Variants in RUSC1 observed in about 807,000 individuals in gnomAD.
The protein encoded by RUSC1 is AP-4 complex accessory subunit RUSC1.
RUSC1 carries 40 observed loss-of-function variants against 72.1 expected under a neutral mutation model. The observed-to-expected ratio is 0.55, with a 90% CI of 0.43 to 0.72. The LOEUF is 0.72. Among genes scored for constraint, RUSC1 ranks in the 30% least tolerant of loss-of-function variants. The probability of loss-of-function intolerance (pLI) is 0.00; values close to 1 mark genes in which losing one functional copy is unlikely to be tolerated. For missense variants in RUSC1, 1,092 were observed against 1,172.3 expected (o/e 0.93, Z 1.00); for synonymous variants, 512 against 494.2 (o/e 1.04, Z -0.48).
Position 155,327,112 on chromosome 1 carries a change from G to T in RUSC1, c.2394G>T (p.Glu798Asp), listed in dbSNP as rs1356801013. Residue 798 changes from glutamate (E) to aspartate (D), a missense_variant, in exon 8 of 10, where the codon GAG becomes GAT. Physicochemically the swap from Glu to Asp is conservative, Grantham distance 45. Transcript: ENST00000368352. ...TGCCTGGGGGCCCCGCAGAAAATGA[G>T]AATGGAGCCCTAAAGTCCAGGTAAT... Reference protein sequence around the residue: ...FGVPGGPAENENGALKSRRPS... With the variant: ...FGVPGGPAENDNGALKSRRPS... 6.2e-7 allele frequency: 1 copy of T among 1,606,310 alleles called. No individual in the cohort carries two copies. Among genetic ancestry groups the T allele is most frequent in the South Asian group, 1.1e-5 (1 of 90,918 alleles).
At position 155,326,295 on chromosome 1, in the gene RUSC1, G is replaced by A. The variant is rs750749353; in HGVS notation, c.1862-285G>A. 3.1e-5 allele frequency: 17 copies of A among 547,168 alleles called. No individual in the cohort carries two copies. The highest frequency in any genetic ancestry group is 7.5e-5 in the African/African-American group (4 of 53,054). 33.9% of individuals were successfully genotyped at this position (547,168 alleles called of 1,614,324 possible). On this transcript the variant is annotated intron_variant, in intron 7 of 9. Coordinates refer to ENST00000368352, the MANE Select transcript of RUSC1 (RefSeq NM_001105203.2). This position sits in a 1 kb window ranked among gnomAD's most constrained non-coding sequence, Gnocchi z 4.7. ...ACCCTCGGACTAGGCCAACCCCCACGCCTCATTTTGTATGTGCTTCTATGG... is the reference window on the plus strand; with the variant it reads ...ACCCTCGGACTAGGCCAACCCCCACACCTCATTTTGTATGTGCTTCTATGG...
Position 155,325,233 on chromosome 1 carries a change from G to T in RUSC1, c.1533+55G>T, listed in dbSNP as rs779928951. On this transcript the variant is annotated intron_variant, in intron 4 of 9. Transcript: ENST00000368352. This position sits in a 1 kb window ranked among gnomAD's most constrained non-coding sequence, Gnocchi z 6.5. ...ATGAGGAGAGTAATGGAGCTCCGCG[G>T]GGGGTGCGGGAATGGTTGGCGGGAG... is the stretch of plus-strand genomic sequence containing the variant. 6.8e-6 allele frequency: 11 copies of T among 1,612,888 alleles called. No individual in the cohort carries two copies. The highest frequency in any genetic ancestry group is 8.5e-6 in the Non-Finnish European group (10 of 1,179,978).
intron 2 of RUSC1, chr1:155,324,294 C>A: frequency 6.4e-7 from 1 of 1,556,420 alleles, no homozygotes; most frequent in Non-Finnish European, 8.7e-7. Flanking sequence ...GAAGAGGGCA[C>A]CCTCCGCCAA....
chr1:155,321,087 G>A, intron 1 of RUSC1, 96 bp downstream of exon 1: 1 of 1,401,858 alleles, frequency 7.1e-7, no homozygotes, highest in Non-Finnish European at 9.6e-7. Context: ...GAGAAAGGGT[G>A]CGGTGGTGGC....
rs749044904 is a variant in RUSC1 at position 155,328,202 on chromosome 1, C to CG, written c.2473dup (p.Ala825GlyfsTer12). The CG allele has an allele frequency of 7.4e-6, 12 of 1,613,272 alleles. No individual in the cohort carries two copies. Among genetic ancestry groups the CG allele is most frequent in the African/African-American group, 1.3e-5 (1 of 74,890 alleles). On this transcript the variant is annotated frameshift_variant, in exon 9 of 10. Coordinates refer to ENST00000368352, the MANE Select transcript of RUSC1 (RefSeq NM_001105203.2). LOFTEE classifies it high-confidence loss of function. ...AGTGAGTGTGTTGGCTCTTGTGAAG[C>CG]GGGGGGCACCTCCCGAGATGCCTTC...
chr1:155,322,235 C>T lies in RUSC1; in HGVS notation c.462C>T (p.Thr154=), dbSNP rs749353563. 1 of 1,613,086 alleles carries T rather than the reference C, an allele frequency of 6.2e-7. No homozygotes were observed. Among genetic ancestry groups the T allele is most frequent in the East Asian group, 2.2e-5 (1 of 44,852 alleles). The change falls in exon 2 of 10, where the codon ACC becomes ACT. Residue 154 remains threonine, a synonymous_variant. Transcript: ENST00000368352. ...GSPLASAGPG[T]CSPDSFCCSP... ...CACTGGCTTCAGCAGGCCCTGGCAC[C>T]TGCTCACCGGACAGCTTCTGCTGCT...
At chr1:155,328,444 T>A (rs930096727) in intron 9 of RUSC1, among the ~76,000 whole-genome samples, 169 bp downstream of exon 9, 1 of 152,076 alleles carries the variant, frequency 6.6e-6, no homozygotes, top group Non-Finnish European at 1.5e-5. Context: ...TTGGATTTTT[T>A]TTTTTTTTTA....
At chr1:155,323,568 G>A (rs1357896503) in intron 2 of RUSC1, 1 of 153,866 alleles carries the variant, frequency 6.5e-6, no homozygotes, top group Non-Finnish European at 1.4e-5. Flanking sequence ...GCCCCCCAGA[G>A]GAGCAGCTGC....
rs1012672360 is a variant in RUSC1, at chr1:155,330,815, G to A, written c.*244G>A. On this transcript the variant is annotated 3_prime_UTR_variant, in exon 10 of 10. Coordinates refer to ENST00000368352, the MANE Select transcript of RUSC1 (RefSeq NM_001105203.2). Reference sequence around the variant, plus strand: ...CCAGGTAATCCCTTTCCTTTTTCCCGTCTATATAAGGGAATGTCTTCCTTC... The same window carrying A: ...CCAGGTAATCCCTTTCCTTTTTCCCATCTATATAAGGGAATGTCTTCCTTC... The A allele has an allele frequency of 6.8e-5, 29 of 423,820 alleles. No homozygotes were observed. The highest frequency in any genetic ancestry group is 1.3e-3 in the Middle Eastern group (2 of 1,578). The allele number at this position is 423,820 out of a possible 1,614,324, so 26.3% of individuals were successfully genotyped here. A position where few individuals can be genotyped will look rare whatever the true frequency, so the allele number is the denominator to read the frequency against.
intron 9 of RUSC1, among the ~76,000 whole-genome samples, chr1:155,328,877 C>A (rs1177515709): frequency 6.6e-6 from 1 of 151,880 alleles, no homozygotes; most frequent in Non-Finnish European, 1.5e-5. Flanking sequence ...GAATTATAGG[C>A]GTGAGCCACT....
intron 1 of RUSC1, 84 bp downstream of exon 1, chr1:155,321,075 T>A: frequency 7.1e-7 from 1 of 1,409,552 alleles, no homozygotes. Context: ...GAGAAATGAA[T>A]AGAGAAAGGG....
In RUSC1 at chr1:155,325,480, G is replaced by A. The variant is rs1190033038; in HGVS notation, c.1698G>A (p.Ser566=). 6.3e-7 allele frequency: 1 copy of A among 1,594,038 alleles called. No homozygotes were observed. Among genetic ancestry groups the A allele is most frequent in the East Asian group, 2.2e-5 (1 of 44,458 alleles). ...RSSPWSVVEA[S]VKPGSSTRSL... is the part of the protein sequence containing the mutation. Reference sequence around the variant, plus strand: ...GCCCCTGGAGCGTGGTGGAGGCGTCGGTGAAGCCAGGTGAGCCAGGAGGGC... The same window carrying A: ...GCCCCTGGAGCGTGGTGGAGGCGTCAGTGAAGCCAGGTGAGCCAGGAGGGC... The change falls in exon 5 of 10, where the codon TCG becomes TCA. Residue 566 remains serine (S), a synonymous_variant. Transcript: ENST00000368352. The surrounding 1 kb of genome is among the most constrained non-coding windows in gnomAD (Gnocchi z 6.5).
chr1:155,326,686 G>T lies in RUSC1; in HGVS notation c.1968G>T (p.Val656=). 6.2e-7 allele frequency: 1 copy of T among 1,613,676 alleles called. No homozygotes were observed. Residue 656 remains valine, a synonymous_variant, in exon 8 of 10, where the codon GTG becomes GTT. Coordinates refer to ENST00000368352, the MANE Select transcript of RUSC1 (RefSeq NM_001105203.2). This position sits in a 1 kb window ranked among gnomAD's most constrained non-coding sequence, Gnocchi z 4.7. ...TGCTCCTGCTGCAGCCATTGTCGGT[G>T]CTCACTTTCCACCTGGACCTGCTCT... ...ELLLLLQPLS[V]LTFHLDLLFE...
In RUSC1 at chr1:155,325,707, C is replaced by T; in HGVS notation, c.1814+35C>T. The T allele has an allele frequency of 3.1e-6, 5 of 1,608,684 alleles. No homozygotes were observed. Among genetic ancestry groups the T allele is most frequent in the Non-Finnish European group, 4.3e-6 (5 of 1,175,838 alleles). ...CTTCTTTCCAGTGCCCTTCCCACGA[C>T]CTGGGACTGCAGGAGCGTCATGGGT... On this transcript the variant is annotated intron_variant, in intron 6 of 9. Coordinates refer to ENST00000368352, the MANE Select transcript of RUSC1 (RefSeq NM_001105203.2). The surrounding 1 kb of genome is among the most constrained non-coding windows in gnomAD (Gnocchi z 6.5).
intron 2 of RUSC1, chr1:155,324,037 C>G (rs1650948197): frequency 9.4e-7 from 1 of 1,067,014 alleles, no homozygotes; most frequent in Non-Finnish European, 1.1e-6. Context: ...CCGGCCCCCT[C>G]TCCCTCCAGA....
Position 155,325,900 on chromosome 1 carries a change from G to C in RUSC1, c.1851G>C (p.Gln617His), listed in dbSNP as rs745349645. Reference protein sequence around the residue: ...KQLELWFSSLQEDAGLLSLLY... With the variant: ...KQLELWFSSLHEDAGLLSLLY... ...TGGAGCTGTGGTTTTCCAGTCTCCA[G>C]GAAGATGCAGGTCAGAGGTTCAGAT... is the stretch of plus-strand genomic sequence containing the variant. The change falls in exon 7 of 10, where the codon CAG becomes CAC. Residue 617 changes from glutamine to histidine, a missense_variant. By Grantham distance (24) the Gln-to-His change is conservative (BLOSUM62 0). Transcript: ENST00000368352. The surrounding 1 kb of genome is among the most constrained non-coding windows in gnomAD (Gnocchi z 6.5). The C allele has an allele frequency of 3.3e-5, 54 of 1,614,072 alleles. No individual in the cohort carries two copies. The Admixed American group carries it at 8.3e-4, about 25-fold the overall frequency.
intron 9 of RUSC1, among the ~76,000 whole-genome samples, chr1:155,329,101 T>C (rs1651739428): frequency 6.6e-6 from 1 of 152,092 alleles, no homozygotes; most frequent in Non-Finnish European, 1.5e-5. Flanking sequence ...ACATAATTTT[T>C]TTTTTGAGAC....
At chr1:155,324,612 G>A in intron 2 of RUSC1, 1 of 1,533,212 alleles carries the variant, frequency 6.5e-7, no homozygotes, top group Non-Finnish European at 8.7e-7. Flanking sequence ...CTGAGGGAGG[G>A]CACAGGGAAC....
chr1:155,323,019 G>C lies in RUSC1; in HGVS notation c.1246G>C (p.Gly416Arg). ...TCCCCGAAGGAAGAAGAACCGACCT[G>C]GACTGCAGCCCATAGCGGAGGGGCA... The part of the protein sequence containing the change: ...VPPRRKKNRP[G>R]LQPIAEGQSE... The change falls in exon 2 of 10, where the codon GGA (glycine) becomes CGA (arginine). Residue 416 changes from glycine (G) to arginine (R), a missense_variant. By Grantham distance (125) the Gly-to-Arg change is moderately radical. Transcript: ENST00000368352. The C allele has an allele frequency of 6.8e-7, 1 of 1,462,158 alleles. No individual in the cohort carries two copies. The highest frequency in any genetic ancestry group is 2.5e-5 in the Admixed American group (1 of 39,630). The allele number at this position is 1,462,158 out of a possible 1,614,324, so 90.6% of individuals were successfully genotyped here.
Sources: gnomAD v4.1 joint callset for allele counts (sites outside exome capture counted in the v4.1 genomes callset) on GRCh38, gnomAD v4.1.1 for gene constraint, Gnocchi (gnomAD v3.1) non-coding constraint, MANE v1.5 for transcripts, NCBI Gene and HGNC (gene_info 2026-07-23, HGNC 2026-07-21) for gene names.